The following AR variants were observed in gnomAD, a reference collection of about 807,000 sequenced individuals.
AR encodes the protein dihydrotestosterone receptor.
A neutral mutation model predicts 53.9 loss-of-function variants in AR; 8 were observed. The ratio of observed to expected loss-of-function variants is 0.15; its 90% CI spans 0.09 to 0.27. The LOEUF is 0.27. Ranked by LOEUF, AR falls within the 10% of genes least tolerant of loss-of-function variation. The pLI, the probability that AR is intolerant of heterozygous loss-of-function variation, is 1.00. For synonymous variants in AR, 359 were observed against 316.4 expected, an observed-to-expected ratio of 1.13 and a Z score of -1.43; for missense variants, 639 against 742.5, an observed-to-expected ratio of 0.86 and a Z score of 1.62.
At chrX:67,660,994 C>G (rs1007276281) in intron 2 of AR, among the ~76,000 whole-genome samples, 6 of 111,595 alleles carry the variant, frequency 5.4e-5, no homozygotes, top group Admixed American at 9.6e-5. Flanking sequence ...TGGGAGTTCA[C>G]TCATGATTTG....
intron 1 of AR, among the ~76,000 whole-genome samples, chrX:67,607,111 C>T (rs1394144431): frequency 9.0e-6 from 1 of 111,147 alleles, no homozygotes; most frequent in Non-Finnish European, 1.9e-5. Flanking sequence ...CTCACCACAA[C>T]CTCCGCCTCC....
intron 2 of AR, among the ~76,000 whole-genome samples, chrX:67,664,529 T>C (rs12007014): frequency 0.069 from 7,689 of 111,645 alleles, 666 homozygotes; most frequent in African/African-American, 0.24. Context: ...TGCCCCTACT[T>C]GGGGGTGCCT....
intron 2 of AR, chrX:67,680,702 C>T (rs1569304199): frequency 3.0e-6 from 1 of 330,433 alleles, no homozygotes; most frequent in Non-Finnish European, 5.9e-6. Context: ...TCTGCCTTAC[C>T]TCCTCTGTTC....
intron 1 of AR, among the ~76,000 whole-genome samples, chrX:67,606,445 T>C (rs758198224): frequency 3.6e-5 from 4 of 112,454 alleles, no homozygotes; most frequent in Non-Finnish European, 7.5e-5. Context: ...CACATACTTA[T>C]TTTTTGGTTA....
chrX:67,665,804 A>C (rs1927235278), intron 2 of AR, among the ~76,000 whole-genome samples: 1 of 112,243 alleles, frequency 8.9e-6, no homozygotes, highest in Admixed American at 9.5e-5. Flanking sequence ...TGTTCTAGGA[A>C]ATATAATTCC....
At chrX:67,678,353 A>T (rs112783354) in intron 2 of AR, among the ~76,000 whole-genome samples, 9,100 of 111,801 alleles carry the variant, frequency 0.081, 283 homozygotes, top group African/African-American at 0.11. Flanking sequence ...AACTGGTTTG[A>T]TTTTTAAAGA....
intron 1 of AR, among the ~76,000 whole-genome samples, chrX:67,616,888 G>C (rs1446489200): frequency 9.0e-6 from 1 of 111,094 alleles, no homozygotes; most frequent in Non-Finnish European, 1.9e-5. Flanking sequence ...CAAAGCGCCT[G>C]GTGCTCCTGA....
chrX:67,656,488 TAAC>T (rs751818659), intron 2 of AR, among the ~76,000 whole-genome samples: 2 of 111,362 alleles, frequency 1.8e-5, no homozygotes, highest in East Asian at 2.8e-4. Flanking sequence ...TTGGAAGCCT[TAAC>T]AACAACAACA....
chrX:67,615,382 C>T (rs1924071937), intron 1 of AR, among the ~76,000 whole-genome samples: 1 of 110,691 alleles, frequency 9.0e-6, no homozygotes, highest in African/African-American at 3.3e-5. Flanking sequence ...TGATTCTCAT[C>T]AGAAATAACA....
At position 67,724,167 on chromosome X, in the gene AR, T is replaced by C. The variant is rs1194361370; in HGVS notation, c.*326T>C. 6.5e-6 allele frequency: 2 copies of C among 306,159 alleles called. No individual in the cohort carries two copies. The highest frequency in any genetic ancestry group is 1.1e-5 in the Non-Finnish European group (2 of 175,684). 25.2% of individuals were successfully genotyped at this position (306,159 alleles called of 1,213,427 possible). A position where few individuals can be genotyped will look rare whatever the true frequency, so the allele number is the denominator to read the frequency against. On this transcript the variant is annotated 3_prime_UTR_variant, in exon 8 of 8. Coordinates refer to ENST00000374690, the MANE Select transcript of AR (RefSeq NM_000044.6). ...CATATGGCCCAGTGTCAAGTTGTGC[T>C]TGTTTACAGCACTACTCTGTGCCAG... is the stretch of plus-strand genomic sequence containing the variant.
intron 3 of AR, among the ~76,000 whole-genome samples, chrX:67,700,986 AG>A (rs1340569479): frequency 9.0e-6 from 1 of 111,304 alleles, no homozygotes; most frequent in African/African-American, 3.3e-5. Context: ...CAATAGCTTT[AG>A]TGGGGTATTG....
chrX:67,607,332 C>G (rs928126311), intron 1 of AR, among the ~76,000 whole-genome samples: 7 of 111,768 alleles, frequency 6.3e-5, no homozygotes, highest in African/African-American at 2.3e-4. Context: ...CCGGCCCACA[C>G]GGTATTTTTG....
intron 1 of AR, among the ~76,000 whole-genome samples, chrX:67,611,838 T>C (rs1303930641): frequency 8.9e-6 from 1 of 112,167 alleles, no homozygotes; most frequent in Non-Finnish European, 1.9e-5. Context: ...ATGGCAAAAA[T>C]GTAGACTGGA....
chrX:67,602,688 C>A (rs1923430486), intron 1 of AR, among the ~76,000 whole-genome samples: 1 of 111,345 alleles, frequency 9.0e-6, no homozygotes, highest in Non-Finnish European at 1.9e-5. Context: ...TGTCAGTGAA[C>A]TTGAACTTGG....
intron 1 of AR, among the ~76,000 whole-genome samples, chrX:67,640,167 G>A (rs1012745153): frequency 3.6e-5 from 4 of 111,116 alleles, no homozygotes; most frequent in African/African-American, 9.8e-5. Flanking sequence ...GGGGTGAAGC[G>A]GACTTGATCG....
chrX:67,608,125 A>C (rs922642699), intron 1 of AR, among the ~76,000 whole-genome samples: 1 of 112,295 alleles, frequency 8.9e-6, no homozygotes. Flanking sequence ...GTTTCATAAC[A>C]CTTTGTAGTC....
At chrX:67,575,447 A>G (rs1922004551) in intron 1 of AR, among the ~76,000 whole-genome samples, 1 of 111,926 alleles carries the variant, frequency 8.9e-6, no homozygotes, top group Admixed American at 9.5e-5. Context: ...CTGTGACTTT[A>G]GGATCTGTAT....
intron 1 of AR, among the ~76,000 whole-genome samples, chrX:67,603,263 C>T (rs1006094653): frequency 3.6e-5 from 4 of 111,416 alleles, no homozygotes; most frequent in Non-Finnish European, 7.5e-5. Context: ...AACCTGGTAC[C>T]ATAATAAGCT....
intron 1 of AR, among the ~76,000 whole-genome samples, chrX:67,623,351 A>C (rs970189471): frequency 8.9e-6 from 1 of 112,084 alleles, no homozygotes; most frequent in Non-Finnish European, 1.9e-5. Context: ...AATTAGTAAT[A>C]GAAGGATAGT....
Sources: gnomAD v4.1 joint callset for allele counts (sites outside exome capture counted in the v4.1 genomes callset) on GRCh38, gnomAD v4.1.1 for gene constraint, MANE v1.5 for transcripts, NCBI Gene and HGNC (gene_info 2026-07-23, HGNC 2026-07-21) for gene names.